The following TMOD2 variants were observed in gnomAD, a reference collection of about 807,000 sequenced individuals.
TMOD2 encodes tropomodulin 2, also known as tropomodulin-2.
Under a neutral mutation model 39.9 loss-of-function variants are expected in TMOD2, and 22 were observed. The ratio of observed to expected loss-of-function variants is 0.55; its 90% CI spans 0.39 to 0.79. The LOEUF is 0.79. Ranked by LOEUF, TMOD2 falls within the 30% of genes least tolerant of loss-of-function variation. The pLI is 0.00. For missense variants in TMOD2, 386 were observed against 413.3 expected, an observed-to-expected ratio of 0.93 and a Z score of 0.57; for synonymous variants, 123 against 146.1, an observed-to-expected ratio of 0.84 and a Z score of 1.14.
intron 8 of TMOD2, among the ~76,000 whole-genome samples, chr15:51,801,505 A>G (rs901032900): frequency 1.3e-5 from 2 of 152,126 alleles, no homozygotes; most frequent in East Asian, 3.8e-4. Context: ...CAGTTTCCTC[A>G]GGCAGAACCA....
intron 3 of TMOD2, 30 bp downstream of exon 3, chr15:51,768,448 C>A: frequency 6.4e-7 from 1 of 1,557,514 alleles, no homozygotes; most frequent in Non-Finnish European, 8.6e-7. Context: ...CATCTTGGAA[C>A]AGAGGTTCTC....
Position 51,768,279 on chromosome 15 carries a change from T to TG in TMOD2, c.146dup (p.Phe50IlefsTer16). 6.2e-7 allele frequency: 1 copy of TG among 1,614,152 alleles called. No individual in the cohort carries two copies. Among genetic ancestry groups the TG allele is most frequent in the Non-Finnish European group, 8.5e-7 (1 of 1,180,018 alleles). ...CTTGTCAGAGTGCCATGCTGCCAGC[T>TG]GGATTTCGACAGAAAGACCAGACAC... On this transcript the variant is annotated frameshift_variant, in exon 3 of 10. Transcript: ENST00000249700. LOFTEE classifies it high-confidence loss of function.
chr15:51,762,010 G>A (rs1399415560), intron 1 of TMOD2, among the ~76,000 whole-genome samples: 10 of 152,012 alleles, frequency 6.6e-5, no homozygotes, highest in South Asian at 2.1e-4. Flanking sequence ...TTATCCGGGC[G>A]TGGTGGCGGG....
At chr15:51,755,577 C>T (rs1296973885) in intron 1 of TMOD2, among the ~76,000 whole-genome samples, 1 of 152,070 alleles carries the variant, frequency 6.6e-6, no homozygotes, top group Non-Finnish European at 1.5e-5. Flanking sequence ...TAAGAAAGGA[C>T]CAGGAGGTCC....
rs532551581 is a variant in TMOD2 at position 51,790,401 on chromosome 15, A to T, written c.732+7573A>T. Among the ~76,000 whole-genome samples the T allele has an allele frequency of 7.9e-5, 12 of 152,272 alleles. No individual in the cohort carries two copies. In the East Asian group the frequency reaches 2.3e-3, roughly 29 times the overall value. On this transcript the variant is annotated intron_variant, in intron 7 of 9. Coordinates refer to ENST00000249700, the MANE Select transcript of TMOD2 (RefSeq NM_014548.4). Reference sequence around the variant, plus strand: ...TCAAAAAGAGTCCAGGACCAGACCGATTTACAGCCGAATTCTACCAGAGGT... The same window carrying T: ...TCAAAAAGAGTCCAGGACCAGACCGTTTTACAGCCGAATTCTACCAGAGGT...
intron 7 of TMOD2, among the ~76,000 whole-genome samples, chr15:51,795,075 T>C (rs759874807): frequency 6.6e-6 from 1 of 152,206 alleles, no homozygotes; most frequent in Non-Finnish European, 1.5e-5. Context: ...TAGAAATTTT[T>C]AGTACTCTCT....
At chr15:51,753,816 C>G (rs956536314) in intron 1 of TMOD2, among the ~76,000 whole-genome samples, 1 of 151,030 alleles carries the variant, frequency 6.6e-6, no homozygotes, top group African/African-American at 2.4e-5. Flanking sequence ...GCAAATGTGG[C>G]AGAATGATGA....
intron 6 of TMOD2, 96 bp downstream of exon 6, chr15:51,781,270 G>C: frequency 8.7e-7 from 1 of 1,143,416 alleles, no homozygotes; most frequent in Non-Finnish European, 1.2e-6. Flanking sequence ...CCTGTTTGCA[G>C]TTCTTTGTAG....
intron 4 of TMOD2, among the ~76,000 whole-genome samples, chr15:51,774,490 G>C (rs1217228782): frequency 6.6e-6 from 1 of 152,132 alleles, no homozygotes. Context: ...ACAGGATAGA[G>C]GTGCTTTAAA....
chr15:51,796,290 G>A (rs1414362406), intron 7 of TMOD2, among the ~76,000 whole-genome samples: 2 of 152,048 alleles, frequency 1.3e-5, no homozygotes, highest in Non-Finnish European at 2.9e-5. Context: ...CCTCTCTGAG[G>A]ACAAGGATTT....
At chr15:51,790,982 A>G (rs148915937) in intron 7 of TMOD2, among the ~76,000 whole-genome samples, 2,326 of 152,312 alleles carry the variant, frequency 0.015, 85 homozygotes, top group Admixed American at 0.072. Context: ...CCTATTCAAC[A>G]TAGTATTAGA....
chr15:51,781,803 G>GGAGA (rs370122360), intron 6 of TMOD2, among the ~76,000 whole-genome samples: 51,307 of 149,118 alleles, frequency 0.34, 9,277 homozygotes, highest in South Asian at 0.4. Context: ...GGAAAGAGTA[G>GGAGA]GAGAGAGAGA....
rs752745394 is a variant in TMOD2, at chr15:51,781,131, C to CCAATGT, written c.586_587insTCAATG (p.Asn195_Asp196insValAsn). The CCAATGT allele has an allele frequency of 6.8e-6, 11 of 1,612,514 alleles. No homozygotes were observed. The South Asian group carries it at 1.1e-4, about 16-fold the overall frequency. Reference sequence around the variant, plus strand: ...GAAATAAGCCTGCAGCAGATGAAAGCCAATGATCCTAGCTTGCAAGAAGTC... The same window carrying CCAATGT: ...GAAATAAGCCTGCAGCAGATGAAAGCCAATGTCAATGATCCTAGCTTGCAAGAAGTC... On this transcript the variant is annotated inframe_insertion, in exon 6 of 10. Coordinates refer to ENST00000249700, the MANE Select transcript of TMOD2 (RefSeq NM_014548.4).
chr15:51,764,835 A>C (rs1204351821), intron 1 of TMOD2, among the ~76,000 whole-genome samples: 2 of 152,098 alleles, frequency 1.3e-5, no homozygotes, highest in Non-Finnish European at 2.9e-5. Context: ...ATGTTCAAAC[A>C]CAGCCTCTTT....
At chr15:51,760,597 G>A (rs2055773787) in intron 1 of TMOD2, among the ~76,000 whole-genome samples, 1 of 152,186 alleles carries the variant, frequency 6.6e-6, no homozygotes, top group African/African-American at 2.4e-5. Context: ...TTGAGATCAG[G>A]TGCTCAAGAC....
intron 1 of TMOD2, among the ~76,000 whole-genome samples, chr15:51,761,604 C>G (rs955628085): frequency 2.6e-5 from 4 of 151,656 alleles, no homozygotes; most frequent in African/African-American, 9.7e-5. Flanking sequence ...CATGGTGATA[C>G]ACACCTGTAG....
chr15:51,791,442 G>T (rs914292875), intron 7 of TMOD2, among the ~76,000 whole-genome samples: 2 of 152,278 alleles, frequency 1.3e-5, no homozygotes, highest in South Asian at 2.1e-4. Flanking sequence ...AAAGTAATTT[G>T]TAGATTCAAC....
intron 1 of TMOD2, among the ~76,000 whole-genome samples, chr15:51,752,235 C>G (rs750468353): frequency 6.6e-6 from 1 of 152,144 alleles, no homozygotes; most frequent in African/African-American, 2.4e-5. Flanking sequence ...AGTAAGCGGC[C>G]TCGTGCGGAT....
At chr15:51,768,059 T>G (rs1174222307) in intron 2 of TMOD2, among the ~76,000 whole-genome samples, 1 of 152,220 alleles carries the variant, frequency 6.6e-6, no homozygotes, top group African/African-American at 2.4e-5. Context: ...TTGAGCTCAT[T>G]GGGAGCCCCC....
Sources: allele counts gnomAD v4.1 joint callset (sites outside exome capture counted in the v4.1 genomes callset), GRCh38; gene constraint gnomAD v4.1.1; transcripts MANE v1.5; gene names NCBI Gene and HGNC (gene_info 2026-07-23, HGNC 2026-07-21).